The following TMTC1 variants were observed in gnomAD, a reference collection of about 807,000 sequenced individuals.
TMTC1 encodes protein O-mannosyl-transferase TMTC1.
A neutral mutation model predicts 104.8 loss-of-function variants in TMTC1; 73 were observed. The ratio of observed to expected loss-of-function variants is 0.70; its 90% CI spans 0.58 to 0.85. The LOEUF is 0.85. Among genes scored for constraint, TMTC1 ranks in the 40% least tolerant of loss-of-function variants. The pLI is 0.00. For missense variants in TMTC1, 1,035 were observed against 1,096.1 expected (o/e 0.94, Z 0.79); for synonymous variants, 434 against 428.7 (o/e 1.01, Z -0.15).
At chr12:29,623,605 G>C (rs1273317680) in intron 6 of TMTC1, among the ~76,000 whole-genome samples, 1 of 152,150 alleles carries the variant, frequency 6.6e-6, no homozygotes, top group Non-Finnish European at 1.5e-5. Context: ...ACAAGGTCAG[G>C]AGTTTGAGAC....
intron 5 of TMTC1, among the ~76,000 whole-genome samples, chr12:29,693,960 T>G (rs1239538131): frequency 2.0e-5 from 3 of 152,174 alleles, no homozygotes; most frequent in African/African-American, 7.2e-5. Flanking sequence ...ATTCAAGGCT[T>G]TAGGTTATTA....
At chr12:29,642,691 C>G (rs1374766040) in intron 5 of TMTC1, among the ~76,000 whole-genome samples, 1 of 151,860 alleles carries the variant, frequency 6.6e-6, no homozygotes, top group Non-Finnish European at 1.5e-5. Context: ...TTTGGGAGGC[C>G]GAGGTGGGTG....
At chr12:29,547,391 G>T (rs1014316136) in intron 10 of TMTC1, among the ~76,000 whole-genome samples, 1 of 152,174 alleles carries the variant, frequency 6.6e-6, no homozygotes, top group Non-Finnish European at 1.5e-5. Flanking sequence ...CAGTATAAAT[G>T]AGTGGAGTTG....
intron 5 of TMTC1, among the ~76,000 whole-genome samples, chr12:29,742,780 C>A (rs1003395501): frequency 6.6e-6 from 1 of 152,124 alleles, no homozygotes. Context: ...ATTCTATTAT[C>A]CTCTTAAACT....
intron 8 of TMTC1, 119 bp downstream of exon 8, chr12:29,583,288 A>C: frequency 1.1e-6 from 1 of 910,714 alleles, no homozygotes; most frequent in South Asian, 2.6e-5. Flanking sequence ...TTAAAACTTT[A>C]TTAAAGATAA....
intron 9 of TMTC1, among the ~76,000 whole-genome samples, chr12:29,569,789 G>A (rs2136293459): frequency 6.6e-6 from 1 of 152,260 alleles, no homozygotes; most frequent in East Asian, 1.9e-4. Context: ...TAGTCTGAAA[G>A]CATAAACTCT....
chr12:29,713,990 G>T (rs1469160866), intron 5 of TMTC1, among the ~76,000 whole-genome samples: 2 of 152,066 alleles, frequency 1.3e-5, no homozygotes, highest in Non-Finnish European at 2.9e-5. Context: ...CTCATGTAAG[G>T]ACACAACATT....
At position 29,503,737 on chromosome 12, in the gene TMTC1, G is replaced by A. The variant is rs1943642629; in HGVS notation, c.*3109C>T. 1 of 152,154 alleles carries A rather than the reference G, an allele frequency of 6.6e-6. No homozygotes were observed. Among genetic ancestry groups the A allele is most frequent in the Non-Finnish European group, 1.5e-5 (1 of 68,036 alleles). The allele number at this position is 152,154 out of a possible 1,614,324, so 9.4% of individuals were successfully genotyped here. ...CATCCTTCCTACCCAGGACCTGTTT[G>A]GGAACCCAGTGCAAAATGAAAGTGT... On this transcript the variant is annotated 3_prime_UTR_variant, in exon 18 of 18. Coordinates refer to ENST00000539277, the MANE Select transcript of TMTC1 (RefSeq NM_001193451.2).
chr12:29,659,269 C>T (rs1939902585), intron 5 of TMTC1, among the ~76,000 whole-genome samples: 1 of 152,204 alleles, frequency 6.6e-6, no homozygotes, highest in African/African-American at 2.4e-5. Context: ...CCCACAAAAT[C>T]TCATATCGAA....
At chr12:29,553,191 G>A (rs1592221424) in intron 10 of TMTC1, among the ~76,000 whole-genome samples, 1 of 152,306 alleles carries the variant, frequency 6.6e-6, no homozygotes, top group Non-Finnish European at 1.5e-5. Context: ...AACAGGAAAA[G>A]GAGTTCAAGG....
intron 7 of TMTC1, among the ~76,000 whole-genome samples, chr12:29,584,383 T>A (rs943999987): frequency 6.6e-6 from 1 of 152,168 alleles, no homozygotes; most frequent in African/African-American, 2.4e-5. Context: ...TGTATTTTAG[T>A]TGAAATCTAT....
In TMTC1 at chr12:29,616,683, A is replaced by C. The variant is rs1039196403; in HGVS notation, c.1129-12384T>G. 9.9e-5 allele frequency among the ~76,000 whole-genome samples: 15 copies of C among 151,960 alleles called. No individual in the cohort carries two copies. In the East Asian group the frequency reaches 2.1e-3, roughly 21 times the overall value. On this transcript the variant is annotated intron_variant, in intron 6 of 17. Transcript: ENST00000539277. ...AAACTTGGTCTCAAAAAAAAAAAAAAAAAAAAACATTTTCTGCTGTTCAGC... is the reference window on the plus strand; with the variant it reads ...AAACTTGGTCTCAAAAAAAAAAAAACAAAAAAACATTTTCTGCTGTTCAGC...
intron 5 of TMTC1, among the ~76,000 whole-genome samples, chr12:29,711,620 G>A (rs1421061424): frequency 6.6e-6 from 1 of 152,192 alleles, no homozygotes; most frequent in Non-Finnish European, 1.5e-5. Context: ...TGTTGGAGAT[G>A]TTCAGGGATT....
At position 29,516,331 on chromosome 12, in the gene TMTC1, A is replaced by G. The variant is rs759852159; in HGVS notation, c.2307+18T>C. The G allele has an allele frequency of 6.2e-7, 1 of 1,609,754 alleles. No homozygotes were observed. Among genetic ancestry groups the G allele is most frequent in the Non-Finnish European group, 8.5e-7 (1 of 1,177,576 alleles). ...TAACCTATGAATCCAAAGAACTCTA[A>G]ACAATGTCCTTCTTTACCTTGTCGT... On this transcript the variant is annotated intron_variant, in intron 15 of 17. Transcript: ENST00000539277.
At chr12:29,710,771 A>G (rs1941884185) in intron 5 of TMTC1, among the ~76,000 whole-genome samples, 2 of 130,784 alleles carry the variant, frequency 1.5e-5, no homozygotes, top group African/African-American at 5.8e-5. Context: ...TTATATATTT[A>G]TATTAATAAT....
At chr12:29,662,762 G>A (rs906012365) in intron 5 of TMTC1, among the ~76,000 whole-genome samples, 2 of 151,590 alleles carry the variant, frequency 1.3e-5, no homozygotes, top group African/African-American at 4.9e-5. Context: ...AGAGCCTCAC[G>A]CTTCCTTCTC....
chr12:29,568,641 G>A (rs1170053396), intron 9 of TMTC1: 1 of 188,776 alleles, frequency 5.3e-6, no homozygotes, highest in African/African-American at 2.3e-5. Flanking sequence ...AAATACTCAA[G>A]CGTTTGCTTA....
intron 8 of TMTC1, among the ~76,000 whole-genome samples, chr12:29,572,556 C>CT (rs1357256563): frequency 1.3e-5 from 2 of 151,902 alleles, no homozygotes; most frequent in Admixed American, 6.6e-5. Context: ...CTTCCTGAGG[C>CT]TTTTTTTTGG....
chr12:29,516,201 C>A, intron 15 of TMTC1, 148 bp downstream of exon 15: 1 of 903,830 alleles, frequency 1.1e-6, no homozygotes, highest in Non-Finnish European at 1.6e-6. Flanking sequence ...AAGGGGATAT[C>A]TGTGAAAAGT....
Sources: allele counts gnomAD v4.1 joint callset (sites outside exome capture counted in the v4.1 genomes callset), GRCh38; gene constraint gnomAD v4.1.1; transcripts MANE v1.5; gene names NCBI Gene and HGNC (gene_info 2026-07-23, HGNC 2026-07-21).